OSBPL11: variants seen among roughly 807,000 people sequenced by gnomAD.
The protein encoded by OSBPL11 is oxysterol binding protein like 11.
Under a neutral mutation model 84.4 loss-of-function variants are expected in OSBPL11, and 33 were observed. The observed-to-expected ratio is 0.39, with a 90% CI of 0.30 to 0.52. The LOEUF (loss-of-function observed/expected upper bound fraction) is 0.52, where lower values mean the gene tolerates loss of function less well. Among genes scored for constraint, OSBPL11 ranks in the 20% least tolerant of loss-of-function variants. The pLI, the probability that OSBPL11 is intolerant of heterozygous loss-of-function variation, is 0.72. For missense variants in OSBPL11, 736 were observed against 901.1 expected, an observed-to-expected ratio of 0.82 and a Z score of 2.35; for synonymous variants, 276 against 310.2, an observed-to-expected ratio of 0.89 and a Z score of 1.16.
chr3:125,579,758 T>C (rs1936391837), intron 3 of OSBPL11, 107 bp downstream of exon 3: 1 of 955,008 alleles, frequency 1.0e-6, no homozygotes, highest in Non-Finnish European at 1.6e-6. Flanking sequence ...TTTACATCAC[T>C]GATGACAGCA....
chr3:125,547,353 T>C lies in OSBPL11; in HGVS notation c.1841+53A>G, dbSNP rs560143483. 8 of 1,481,694 alleles carry C rather than the reference T, an allele frequency of 5.4e-6. No individual in the cohort carries two copies. The East Asian group carries it at 1.1e-4, about 21-fold the overall frequency. 91.8% of individuals were successfully genotyped at this position (1,481,694 alleles called of 1,614,324 possible). On this transcript the variant is annotated intron_variant, in intron 10 of 12. Coordinates refer to ENST00000296220, the MANE Select transcript of OSBPL11 (RefSeq NM_022776.5). ...GCAGAAAAAGAATAAGGAGTTGTAA[T>C]ACAAAATCAAAGTGGAAGAATAAGA...
intron 10 of OSBPL11, among the ~76,000 whole-genome samples, chr3:125,542,302 T>C (rs1438548266): frequency 6.6e-6 from 1 of 151,628 alleles, no homozygotes; most frequent in Non-Finnish European, 1.5e-5. Flanking sequence ...CAAAAGAAGT[T>C]AGGTTATGGA....
intron 10 of OSBPL11, 31 bp from the exon 11 acceptor site, chr3:125,538,664 C>G: frequency 6.4e-7 from 1 of 1,558,982 alleles, no homozygotes; most frequent in African/African-American, 1.4e-5. Context: ...AAGATATGCT[C>G]TAATAAGTGA....
chr3:125,546,963 C>T (rs182676452), intron 10 of OSBPL11, among the ~76,000 whole-genome samples: 10 of 152,056 alleles, frequency 6.6e-5, no homozygotes, highest in African/African-American at 2.4e-4. Flanking sequence ...AAATTTATCA[C>T]TGCAAGTTGC....
At chr3:125,594,608 G>C (rs769874430) in intron 1 of OSBPL11, 29 bp downstream of exon 1, 2 of 1,603,478 alleles carry the variant, frequency 1.2e-6, no homozygotes, top group Non-Finnish European at 8.5e-7. Context: ...CCTCCACCTC[G>C]GGAAATAATT....
At chr3:125,582,115 A>C (rs931660205) in intron 2 of OSBPL11, among the ~76,000 whole-genome samples, 3 of 152,022 alleles carry the variant, frequency 2.0e-5, no homozygotes, top group Non-Finnish European at 2.9e-5. Context: ...CGGGTAGATC[A>C]CCTGAAGTCA....
At chr3:125,573,652 C>A (rs941343975) in intron 5 of OSBPL11, among the ~76,000 whole-genome samples, 1 of 151,996 alleles carries the variant, frequency 6.6e-6, no homozygotes, top group Non-Finnish European at 1.5e-5. Context: ...CACCTGAGGT[C>A]AAGGGTTCAA....
intron 5 of OSBPL11, among the ~76,000 whole-genome samples, chr3:125,568,199 AG>A (rs1936189743): frequency 2.0e-5 from 3 of 152,066 alleles, no homozygotes; most frequent in African/African-American, 7.2e-5. Flanking sequence ...TGGGAGGCCG[AG>A]GCAGGCAGAT....
chr3:125,582,797 T>C, intron 2 of OSBPL11, 113 bp downstream of exon 2: 1 of 797,318 alleles, frequency 1.3e-6, no homozygotes, highest in Non-Finnish European at 2.0e-6. Flanking sequence ...GAAATCCTTC[T>C]CTAAAAGGTT....
At chr3:125,592,521 G>A (rs947065573) in intron 1 of OSBPL11, among the ~76,000 whole-genome samples, 1 of 152,136 alleles carries the variant, frequency 6.6e-6, no homozygotes, top group African/African-American at 2.4e-5. Context: ...TATATTGCAT[G>A]TCATCACATG....
intron 8 of OSBPL11, among the ~76,000 whole-genome samples, chr3:125,556,224 T>C (rs2107597392): frequency 6.6e-6 from 1 of 152,318 alleles, no homozygotes; most frequent in Non-Finnish European, 1.5e-5. Flanking sequence ...ACAGACATAC[T>C]GAAGACTGTC....
chr3:125,571,672 G>A (rs1362338199), intron 5 of OSBPL11, among the ~76,000 whole-genome samples: 1 of 152,240 alleles, frequency 6.6e-6, no homozygotes, highest in South Asian at 2.1e-4. Context: ...AGGTGCCTCA[G>A]GCCTTGGCAG....
intron 1 of OSBPL11, 132 bp from the exon 2 acceptor site, chr3:125,583,110 A>G: frequency 1.7e-6 from 1 of 591,554 alleles, no homozygotes; most frequent in Non-Finnish European, 2.9e-6. Context: ...GAGAAGTAAA[A>G]TGTATAGGTC....
intron 6 of OSBPL11, among the ~76,000 whole-genome samples, chr3:125,564,846 A>C (rs534526311): frequency 6.6e-6 from 1 of 151,974 alleles, no homozygotes; most frequent in Non-Finnish European, 1.5e-5. Flanking sequence ...GTAGAGACGG[A>C]GTTTCACCAT....
At chr3:125,535,770 G>A (rs1037556773) in intron 11 of OSBPL11, among the ~76,000 whole-genome samples, 11 of 149,528 alleles carry the variant, frequency 7.4e-5, no homozygotes, top group East Asian at 4.1e-4. Flanking sequence ...CCACCACACC[G>A]GCCCAGAAGC....
chr3:125,541,051 C>T (rs1935722839), intron 10 of OSBPL11, among the ~76,000 whole-genome samples: 1 of 152,224 alleles, frequency 6.6e-6, no homozygotes, highest in Admixed American at 6.5e-5. Context: ...AACTTTGTCA[C>T]TGTAGCATGA....
intron 4 of OSBPL11, 91 bp from the exon 5 acceptor site, chr3:125,576,456 G>A (rs1403098901): frequency 1.0e-6 from 1 of 953,922 alleles, no homozygotes; most frequent in African/African-American, 1.7e-5. Context: ...ATTTACACAT[G>A]AGCAGCGTTT....
chr3:125,581,901 G>A (rs890695952), intron 2 of OSBPL11, among the ~76,000 whole-genome samples: 3 of 151,658 alleles, frequency 2.0e-5, no homozygotes, highest in Non-Finnish European at 4.4e-5. Flanking sequence ...ATTTCAGCCC[G>A]AGGTGGAGGT....
At chr3:125,532,655 G>A (rs1935577644) in intron 11 of OSBPL11, among the ~76,000 whole-genome samples, 1 of 150,840 alleles carries the variant, frequency 6.6e-6, no homozygotes, top group African/African-American at 2.4e-5. Flanking sequence ...AATGGTGCTG[G>A]GACAACTGGA....
Sources: allele counts gnomAD v4.1 joint callset (sites outside exome capture counted in the v4.1 genomes callset), GRCh38; gene constraint gnomAD v4.1.1; transcripts MANE v1.5; gene names NCBI Gene and HGNC (gene_info 2026-07-23, HGNC 2026-07-21).